Variants in RAB37 observed in about 807,000 individuals in gnomAD.
The protein encoded by RAB37 is ras-related protein Rab-37.
RAB37 carries 29 observed loss-of-function variants against 33.1 expected under a neutral mutation model. That is an observed-to-expected ratio of 0.88 (90% CI 0.65 to 1.20). The LOEUF is 1.20. RAB37 is among the 50% of genes most tolerant of loss of function. The pLI is 0.00. For missense variants in RAB37, 299 were observed against 301.1 expected (o/e 0.99, Z 0.05); for synonymous variants, 128 against 119.5 (o/e 1.07, Z -0.47).
At chr17:74,685,131 T>C (rs2032029715) in intron 1 of RAB37, among the ~76,000 whole-genome samples, 1 of 151,524 alleles carries the variant, frequency 6.6e-6, no homozygotes, top group Admixed American at 6.6e-5. Context: ...AAGGCTCCTA[T>C]AGGTAGCTGG....
chr17:74,680,639 TG>T (rs1350319630), intron 1 of RAB37, among the ~76,000 whole-genome samples: 1 of 152,032 alleles, frequency 6.6e-6, no homozygotes, highest in Non-Finnish European at 1.5e-5. Flanking sequence ...GCCCCACCTC[TG>T]CCTCCCTCAG....
Position 74,700,790 on chromosome 17 carries a change from G to T in RAB37, c.73-28466G>T, listed in dbSNP as rs962553907. 2.0e-5 allele frequency among the ~76,000 whole-genome samples: 3 copies of T among 152,026 alleles called. No homozygotes were observed. The East Asian group carries it at 5.8e-4, about 29-fold the overall frequency. On this transcript the variant is annotated intron_variant, in intron 1 of 7. Transcript: ENST00000340415. ...AACAAAAAAAACTGTTGTGGGCTGGGCTGGATTGTACACCACCACCCCCCC... is the reference window on the plus strand; with the variant it reads ...AACAAAAAAAACTGTTGTGGGCTGGTCTGGATTGTACACCACCACCCCCCC...
intron 2 of RAB37, among the ~76,000 whole-genome samples, chr17:74,731,023 C>T (rs2034377523): frequency 6.6e-6 from 1 of 152,234 alleles, no homozygotes; most frequent in Non-Finnish European, 1.5e-5. Context: ...CAGCCAGCAC[C>T]CGATGTTCTG....
chr17:74,728,144 A>AAG (rs1275104723), intron 1 of RAB37, among the ~76,000 whole-genome samples: 1 of 150,322 alleles, frequency 6.7e-6, no homozygotes, highest in Non-Finnish European at 1.5e-5. Context: ...TTCTGTGTGC[A>AAG]TGTGTTTGTG....
intron 1 of RAB37, chr17:74,712,904 C>G: frequency 1.2e-6 from 2 of 1,609,982 alleles, no homozygotes; most frequent in Non-Finnish European, 1.7e-6. Context: ...CTCAGTGGAG[C>G]CTGGCAGCAG....
At chr17:74,707,434 G>T (rs1035033996) in intron 1 of RAB37, among the ~76,000 whole-genome samples, 1 of 152,148 alleles carries the variant, frequency 6.6e-6, no homozygotes, top group Non-Finnish European at 1.5e-5. Context: ...ACCAAAAGAG[G>T]GTCAGGCACA....
intron 1 of RAB37, chr17:74,705,410 C>T: frequency 1.9e-6 from 1 of 526,764 alleles, no homozygotes; most frequent in East Asian, 2.9e-5. Flanking sequence ...ATCCCACTTT[C>T]TTTAATGAAT....
At chr17:74,689,214 G>A (rs1023713629) in intron 1 of RAB37, among the ~76,000 whole-genome samples, 1 of 152,082 alleles carries the variant, frequency 6.6e-6, no homozygotes, top group Non-Finnish European at 1.5e-5. Flanking sequence ...AGGTCGAGGT[G>A]GGCAGATCAC....
chr17:74,689,802 G>A (rs1226644580), intron 1 of RAB37, among the ~76,000 whole-genome samples: 1 of 152,010 alleles, frequency 6.6e-6, no homozygotes, highest in African/African-American at 2.4e-5. Context: ...CCTCACTTGA[G>A]TGCAAATTTA....
At chr17:74,736,639 G>A (rs2034478971), upstream of RAB37, 1 of 1,535,310 alleles carries the variant, frequency 6.5e-7, no homozygotes, top group Non-Finnish European at 8.7e-7. Flanking sequence ...CAACCAACAG[G>A]CCGGGGGAAA....
chr17:74,742,930 G>A lies in RAB37; in HGVS notation c.247-199G>A, dbSNP rs1490826673. On this transcript the variant is annotated intron_variant, in intron 3 of 8. Coordinates refer to ENST00000392613, the MANE Select transcript of RAB37 (RefSeq NM_001006638.3). This position sits in a 1 kb window ranked among gnomAD's most constrained non-coding sequence, Gnocchi z 4.0. ...GTAAGCCACCGCGCTCGGCTGAGGA[G>A]ATGATTTTGAACGAGCTTGAGAAAT... 6.6e-6 allele frequency among the ~76,000 whole-genome samples: 1 copy of A among 152,090 alleles called. No homozygotes were observed. Among genetic ancestry groups the A allele is most frequent in the Non-Finnish European group, 1.5e-5 (1 of 68,014 alleles).
At chr17:74,686,431 C>T (rs532649233) in intron 1 of RAB37, among the ~76,000 whole-genome samples, 4 of 152,110 alleles carry the variant, frequency 2.6e-5, no homozygotes, top group African/African-American at 9.6e-5. Context: ...CGCTCTGTTG[C>T]CCAGGCTGGA....
In RAB37 at chr17:74,729,113, T is replaced by TTG. The variant is rs896283288; in HGVS notation, c.73-131_73-130dup. The TTG allele has an allele frequency of 3.3e-5, 22 of 670,992 alleles. No individual in the cohort carries two copies. The highest frequency in any genetic ancestry group is 1.5e-4 in the Admixed American group (7 of 46,718). 41.6% of individuals were successfully genotyped at this position (670,992 alleles called of 1,614,324 possible). On this transcript the variant is annotated intron_variant, in intron 1 of 7. Coordinates refer to the RAB37 transcript ENST00000340415. The surrounding 1 kb of genome is among the most constrained non-coding windows in gnomAD (Gnocchi z 4.2). ...ATGTCTGTATGTGTGTGTCAGTGTC[T>TTG]TGTGTGTGTGTGTTTCTGTGTGTGT...
chr17:74,674,592 C>T (rs1228248545), intron 1 of RAB37, among the ~76,000 whole-genome samples: 1 of 152,092 alleles, frequency 6.6e-6, no homozygotes, highest in East Asian at 1.9e-4. Flanking sequence ...ACAGGAGAAT[C>T]ACTTGAACCG....
At position 74,744,769 on chromosome 17, in the gene RAB37, T is replaced by A; in HGVS notation, c.433-104T>A. On this transcript the variant is annotated intron_variant, in intron 6 of 8. Coordinates refer to ENST00000392613, the MANE Select transcript of RAB37 (RefSeq NM_001006638.3). The surrounding 1 kb of genome is among the most constrained non-coding windows in gnomAD (Gnocchi z 4.2). ...GCCAATCACACCTGCCTGCAGTCCC[T>A]TGGGCCACCAGCAGAGGGCAGGCAA... 7.2e-7 allele frequency: 1 copy of A among 1,380,304 alleles called. No individual in the cohort carries two copies. Among genetic ancestry groups the A allele is most frequent in the South Asian group, 1.2e-5 (1 of 85,792 alleles). 85.5% of individuals were successfully genotyped at this position (1,380,304 alleles called of 1,614,324 possible).
chr17:74,674,383 G>A (rs2031776356), intron 1 of RAB37, among the ~76,000 whole-genome samples: 1 of 151,348 alleles, frequency 6.6e-6, no homozygotes, highest in African/African-American at 2.4e-5. Context: ...GCCCAGCGTG[G>A]GGAAATGATT....
chr17:74,736,885 C>A, upstream of RAB37: 2 of 1,494,514 alleles, frequency 1.3e-6, no homozygotes, highest in Admixed American at 2.2e-5. Flanking sequence ...CGGCCCGGGG[C>A]TCGGGCGCCG....
At chr17:74,713,097 G>A (rs1349880796) in intron 1 of RAB37, 2 of 512,904 alleles carry the variant, frequency 3.9e-6, no homozygotes, top group Middle Eastern at 5.3e-4. Context: ...ACGAGATCAG[G>A]AGTTCAAGAT....
At chr17:74,702,023 T>G (rs1412930670) in intron 1 of RAB37, among the ~76,000 whole-genome samples, 2 of 139,670 alleles carry the variant, frequency 1.4e-5, no homozygotes, top group Non-Finnish European at 3.2e-5. Context: ...TGTCTAAAAA[T>G]AAAAAAAAAG....
Sources: gnomAD v4.1 joint callset for allele counts (sites outside exome capture counted in the v4.1 genomes callset) on GRCh38, gnomAD v4.1.1 for gene constraint, Gnocchi (gnomAD v3.1) non-coding constraint, MANE v1.5 for transcripts, NCBI Gene and HGNC (gene_info 2026-07-23, HGNC 2026-07-21) for gene names.